The following CCNY variants were observed in gnomAD, a reference collection of about 807,000 sequenced individuals.
The protein encoded by CCNY is cyclin-Y.
A neutral mutation model predicts 42.8 loss-of-function variants in CCNY; 19 were observed. The ratio of observed to expected loss-of-function variants is 0.44; its 90% CI spans 0.31 to 0.65. The LOEUF is 0.65. Ranked by LOEUF, CCNY falls within the 30% of genes least tolerant of loss-of-function variation. The probability of loss-of-function intolerance (pLI) is 0.07; values close to 1 mark genes in which losing one functional copy is unlikely to be tolerated. For synonymous variants in CCNY, 165 were observed against 162.7 expected, an observed-to-expected ratio of 1.01 and a Z score of -0.11; for missense variants, 370 against 437.3, an observed-to-expected ratio of 0.85 and a Z score of 1.37.
At chr10:35,441,032 A>ATTGGCAATTCTATATTCAATAT (rs1350229623) in intron 1 of CCNY, among the ~76,000 whole-genome samples, 1 of 152,104 alleles carries the variant, frequency 6.6e-6, no homozygotes, top group East Asian at 1.9e-4. Context: ...GCCAATTCAG[A>ATTGGCAATTCTATATTCAATAT]AGTGATTCTA....
intron 3 of CCNY, among the ~76,000 whole-genome samples, chr10:35,279,110 G>GTTTTTTTTT (rs869276523): frequency 1.9e-5 from 2 of 102,814 alleles, no homozygotes; most frequent in South Asian, 3.6e-4. Context: ...AGCTTTCAAT[G>GTTTTTTTTT]TTTTTTTTTT....
intron 1 of CCNY, among the ~76,000 whole-genome samples, chr10:35,478,091 G>T (rs1294939800): frequency 6.7e-6 from 1 of 149,852 alleles, no homozygotes; most frequent in Non-Finnish European, 1.5e-5. Context: ...GGGATGTGAA[G>T]GACCTCTTCA....
chr10:35,472,112 C>T (rs1254814554), intron 1 of CCNY, among the ~76,000 whole-genome samples: 1 of 152,088 alleles, frequency 6.6e-6, no homozygotes, highest in Non-Finnish European at 1.5e-5. Flanking sequence ...GTTTTTAATA[C>T]CCATTATTTC....
chr10:35,462,669 C>T (rs1178581555), intron 1 of CCNY, among the ~76,000 whole-genome samples: 1 of 152,182 alleles, frequency 6.6e-6, no homozygotes, highest in Non-Finnish European at 1.5e-5. Context: ...TCAGAGTGTG[C>T]GGGTGGAGGG....
intron 1 of CCNY, chr10:35,347,388 A>G (rs1284245122): frequency 1.0e-6 from 1 of 957,648 alleles, no homozygotes; most frequent in Non-Finnish European, 1.2e-6. Flanking sequence ...AATGCAAGTC[A>G]CTTCTATTTT....
At chr10:35,305,332 T>C (rs1396951965) in intron 3 of CCNY, among the ~76,000 whole-genome samples, 1 of 152,220 alleles carries the variant, frequency 6.6e-6, no homozygotes, top group African/African-American at 2.4e-5. Context: ...ATGCTGTTAC[T>C]CTTTGAAATG....
At chr10:35,528,425 T>C (rs910964) in intron 5 of CCNY, among the ~76,000 whole-genome samples, 9,218 of 152,248 alleles carry the variant, frequency 0.061, 859 homozygotes, top group African/African-American at 0.2. Flanking sequence ...TTGCTGTGGC[T>C]GAGCGCAGTG....
chr10:35,529,154 A>T (rs886439368), intron 5 of CCNY, among the ~76,000 whole-genome samples: 13 of 152,202 alleles, frequency 8.5e-5, no homozygotes, highest in African/African-American at 3.1e-4. Context: ...AACTGTTCAC[A>T]TATAGGTTAT....
intron 3 of CCNY, among the ~76,000 whole-genome samples, chr10:35,312,334 T>C (rs899105073): frequency 2.8e-5 from 4 of 141,300 alleles, no homozygotes; most frequent in East Asian, 4.1e-4. Context: ...TGAGCCGAGA[T>C]TGCGCCACTG....
chr10:35,253,809 C>A (rs1465875340), intron 3 of CCNY, among the ~76,000 whole-genome samples: 1 of 151,506 alleles, frequency 6.6e-6, no homozygotes, highest in Non-Finnish European at 1.5e-5. Flanking sequence ...CACTCAAAAT[C>A]ATTTGCATTG....
chr10:35,532,392 C>G (rs543922635), intron 7 of CCNY, among the ~76,000 whole-genome samples: 1 of 152,368 alleles, frequency 6.6e-6, no homozygotes, highest in African/African-American at 2.4e-5. Context: ...GAGCAGTTAG[C>G]CCTGGCCGTG....
At chr10:35,283,128 T>C in intron 3 of CCNY, among the ~76,000 whole-genome samples, 1 of 152,188 alleles carries the variant, frequency 6.6e-6, no homozygotes, top group East Asian at 1.9e-4. Context: ...ATTCATGTAT[T>C]TTTAGGAACT....
At chr10:35,357,776 C>A (rs1836589874) in intron 1 of CCNY, among the ~76,000 whole-genome samples, 1 of 152,182 alleles carries the variant, frequency 6.6e-6, no homozygotes, top group Non-Finnish European at 1.5e-5. Flanking sequence ...CTTTCACTCA[C>A]AAGTTTTAGT....
intron 1 of CCNY, among the ~76,000 whole-genome samples, chr10:35,372,515 C>T (rs1836959724): frequency 6.6e-6 from 1 of 152,154 alleles, no homozygotes; most frequent in African/African-American, 2.4e-5. Flanking sequence ...TCTTGGCCCT[C>T]TCAGACTCTC....
At chr10:35,568,968 A>G (rs975281318) in intron 9 of CCNY, 86 bp from the exon 10 acceptor site, 2 of 853,336 alleles carry the variant, frequency 2.3e-6, no homozygotes, top group South Asian at 2.8e-5. Context: ...CCTGTCCCTC[A>G]TGCAGCGCCC....
intron 3 of CCNY, among the ~76,000 whole-genome samples, chr10:35,288,631 C>A (rs917139587): frequency 4.6e-5 from 7 of 152,114 alleles, no homozygotes; most frequent in Non-Finnish European, 4.4e-5. Flanking sequence ...GTATACAATC[C>A]ATTTTGAATT....
intron 3 of CCNY, among the ~76,000 whole-genome samples, chr10:35,512,262 T>G (rs1840339281): frequency 6.6e-6 from 1 of 151,790 alleles, no homozygotes; most frequent in African/African-American, 2.4e-5. Flanking sequence ...GATGGAGGGG[T>G]CAACCAGGCA....
At chr10:35,320,954 CAA>C (rs879877771) in intron 3 of CCNY, 19 of 140,368 alleles carry the variant, frequency 1.4e-4, no homozygotes, top group East Asian at 2.1e-4. Flanking sequence ...ACAGCAAGAC[CAA>C]AAAAAAAAAA....
intron 1 of CCNY, among the ~76,000 whole-genome samples, chr10:35,371,554 T>C (rs1325812337): frequency 6.6e-6 from 1 of 152,226 alleles, no homozygotes; most frequent in Non-Finnish European, 1.5e-5. Context: ...TAATGTCTCA[T>C]ACTGACCTTC....
Sources: gnomAD v4.1 joint callset for allele counts (sites outside exome capture counted in the v4.1 genomes callset) on GRCh38, gnomAD v4.1.1 for gene constraint, MANE v1.5 for transcripts, NCBI Gene and HGNC (gene_info 2026-07-23, HGNC 2026-07-21) for gene names.